Variants in BICDL1 observed in about 807,000 individuals in gnomAD.
The protein encoded by BICDL1 is BICD family-like cargo adapter 1.
Under a neutral mutation model 76.8 loss-of-function variants are expected in BICDL1, and 20 were observed. The observed-to-expected ratio is 0.26, with a 90% CI of 0.18 to 0.38. The LOEUF (loss-of-function observed/expected upper bound fraction) is 0.38. Among genes scored for constraint, BICDL1 ranks in the 10% least tolerant of loss-of-function variants. The probability of loss-of-function intolerance (pLI) is 1.00; values close to 1 mark genes in which losing one functional copy is unlikely to be tolerated. For missense variants in BICDL1, 700 were observed against 798.6 expected (o/e 0.88, Z 1.49); for synonymous variants, 383 against 337.1 (o/e 1.14, Z -1.49).
chr12:120,090,734 A>G, intron 9 of BICDL1: 1 of 408,610 alleles, frequency 2.4e-6, no homozygotes, highest in Non-Finnish European at 4.6e-6. Flanking sequence ...TTACAAGGTA[A>G]GCCCCCCGTG....
intron 2 of BICDL1, among the ~76,000 whole-genome samples, chr12:120,006,496 C>T (rs1951853205): frequency 6.6e-6 from 1 of 152,114 alleles, no homozygotes; most frequent in South Asian, 2.1e-4. Flanking sequence ...AATACATAAA[C>T]AGACAAATCA....
chr12:120,035,236 T>C (rs1186034396), intron 2 of BICDL1, among the ~76,000 whole-genome samples: 4 of 152,122 alleles, frequency 2.6e-5, no homozygotes, highest in Admixed American at 2.0e-4. Flanking sequence ...CTCGGGAGGC[T>C]GAGGCAGGAG....
At chr12:120,025,366 A>C (rs2138732774) in intron 2 of BICDL1, among the ~76,000 whole-genome samples, 1 of 152,092 alleles carries the variant, frequency 6.6e-6, no homozygotes, top group Middle Eastern at 3.4e-3. Flanking sequence ...ATACTTTCTT[A>C]GTACAGGGAA....
chr12:119,994,724 G>A (rs1205646498), intron 1 of BICDL1, among the ~76,000 whole-genome samples: 1 of 152,098 alleles, frequency 6.6e-6, no homozygotes, highest in Admixed American at 6.5e-5. Context: ...TCCTGACCTC[G>A]TGATCTGCCC....
intron 2 of BICDL1, among the ~76,000 whole-genome samples, chr12:120,032,376 G>A (rs1273411568): frequency 1.3e-5 from 2 of 152,100 alleles, no homozygotes; most frequent in Admixed American, 1.3e-4. Context: ...TAGCCAAGTT[G>A]TCACAGCCCT....
chr12:120,084,227 C>T (rs1407785156), intron 8 of BICDL1, among the ~76,000 whole-genome samples: 1 of 152,278 alleles, frequency 6.6e-6, no homozygotes, highest in African/African-American at 2.4e-5. Flanking sequence ...TGGTCTCGAT[C>T]TCCTGACCTT....
At chr12:120,013,006 TTATC>T (rs1213482130) in intron 2 of BICDL1, among the ~76,000 whole-genome samples, 1 of 152,104 alleles carries the variant, frequency 6.6e-6, no homozygotes, top group African/African-American at 2.4e-5. Flanking sequence ...AACTCTTAAT[TTATC>T]TAAGTTATAA....
At chr12:120,001,925 A>G (rs1951767504) in intron 2 of BICDL1, among the ~76,000 whole-genome samples, 1 of 152,172 alleles carries the variant, frequency 6.6e-6, no homozygotes, top group South Asian at 2.1e-4. Flanking sequence ...GTAGTGGTGC[A>G]TGCCTGTAGT....
intron 2 of BICDL1, among the ~76,000 whole-genome samples, chr12:120,048,975 C>T (rs1386623425): frequency 6.6e-6 from 1 of 152,110 alleles, no homozygotes; most frequent in East Asian, 1.9e-4. Context: ...CAGTTCAGTT[C>T]AGGCATTTCT....
In BICDL1 at chr12:119,989,834, G is replaced by C; in HGVS notation, c.-35G>C. The C allele has an allele frequency of 7.4e-6, 9 of 1,224,270 alleles. No homozygotes were observed. The highest frequency in any genetic ancestry group is 9.2e-6 in the Non-Finnish European group (9 of 982,294). The allele number at this position is 1,224,270 out of a possible 1,614,324, so 75.8% of individuals were successfully genotyped here. On this transcript the variant is annotated 5_prime_UTR_variant, in exon 1 of 10. Transcript: ENST00000548673. ...CCCTGCAGCCTGGCGCGCGCGGGCC[G>C]GGCCGCACCGCTGCGGGCTCCGCGC...
chr12:120,026,610 T>C (rs1167473301), intron 2 of BICDL1, among the ~76,000 whole-genome samples: 2 of 152,176 alleles, frequency 1.3e-5, no homozygotes, highest in Non-Finnish European at 2.9e-5. Flanking sequence ...AACAAGGAAA[T>C]ACACTAATGA....
At chr12:120,002,303 A>G (rs913152662) in intron 2 of BICDL1, among the ~76,000 whole-genome samples, 2 of 152,214 alleles carry the variant, frequency 1.3e-5, no homozygotes, top group Admixed American at 6.5e-5. Context: ...TTGAACTTCA[A>G]TATATGGATA....
chr12:120,011,370 G>T (rs2138667032), intron 2 of BICDL1, among the ~76,000 whole-genome samples: 1 of 152,318 alleles, frequency 6.6e-6, no homozygotes, highest in East Asian at 1.9e-4. Flanking sequence ...CAGCCATAAT[G>T]GAGTCAGTAG....
intron 2 of BICDL1, among the ~76,000 whole-genome samples, chr12:120,043,772 C>G (rs1213341667): frequency 1.3e-5 from 2 of 152,182 alleles, no homozygotes; most frequent in Non-Finnish European, 2.9e-5. Flanking sequence ...GCAAGAAGCC[C>G]TCACTTAAGG....
chr12:120,024,608 C>G (rs1207022128), intron 2 of BICDL1, among the ~76,000 whole-genome samples: 1 of 152,210 alleles, frequency 6.6e-6, no homozygotes, highest in Non-Finnish European at 1.5e-5. Context: ...TGTCATTTAT[C>G]TAAGTTTATT....
In BICDL1 at chr12:120,019,712, G is replaced by C. The variant is rs554903598; in HGVS notation, c.645+20976G>C. 2.0e-5 allele frequency among the ~76,000 whole-genome samples: 3 copies of C among 152,232 alleles called. No individual in the cohort carries two copies. The South Asian group carries it at 6.2e-4, about 32-fold the overall frequency. The stretch of plus-strand genomic sequence containing the variant: ...AGATCCCCCTGCCTCAGCCTCCCAA[G>C]TAGCTGGGACTACAGGTGTCCACCA... On this transcript the variant is annotated intron_variant, in intron 2 of 9. Coordinates refer to ENST00000548673, the MANE Select transcript of BICDL1 (RefSeq NM_001367886.1).
chr12:120,082,756 AC>A (rs1388880113), intron 8 of BICDL1, among the ~76,000 whole-genome samples: 1 of 151,710 alleles, frequency 6.6e-6, no homozygotes, highest in Non-Finnish European at 1.5e-5. Context: ...TTTTGTAGAT[AC>A]GGGTTTTCAC....
chr12:120,080,682 G>A (rs867553932), intron 7 of BICDL1: 17 of 447,524 alleles, frequency 3.8e-5, no homozygotes, highest in Middle Eastern at 6.6e-4. Flanking sequence ...CCTTGCTGCC[G>A]AGCTCAAGCC....
chr12:120,070,590 C>A (rs1254750387), intron 4 of BICDL1, among the ~76,000 whole-genome samples: 1 of 152,134 alleles, frequency 6.6e-6, no homozygotes, highest in African/African-American at 2.4e-5. Flanking sequence ...AAAAAATTAG[C>A]ATATTTTCTT....
Sources: allele counts gnomAD v4.1 joint callset (sites outside exome capture counted in the v4.1 genomes callset), GRCh38; gene constraint gnomAD v4.1.1; transcripts MANE v1.5; gene names NCBI Gene and HGNC (gene_info 2026-07-23, HGNC 2026-07-21).